The following NT5C3A variants were observed in gnomAD, a reference collection of about 807,000 sequenced individuals.
NT5C3A encodes the protein 5'-nucleotidase, cytosolic IIIA, also known as cytosolic 5'-nucleotidase 3A.
In NT5C3A, 23 loss-of-function variants were observed where a neutral mutation model predicts 40.0. The observed-to-expected ratio is 0.58, with a 90% confidence interval of 0.41 to 0.81. NT5C3A has a LOEUF of 0.81. NT5C3A is among the 40% of genes least tolerant of loss of function. The pLI is 0.00. For missense variants in NT5C3A, 328 were observed against 403.0 expected, an observed-to-expected ratio of 0.81 and a Z score of 1.59; for synonymous variants, 130 against 141.4, an observed-to-expected ratio of 0.92 and a Z score of 0.57.
At chr7:33,015,549 G>A (rs1039777900) in intron 8 of NT5C3A, 121 bp downstream of exon 8, 3 of 663,058 alleles carry the variant, frequency 4.5e-6, no homozygotes, top group Non-Finnish European at 7.9e-6. Flanking sequence ...GGTAACAGAG[G>A]CTTGTCTCAA....
chr7:33,017,200 A>T, intron 7 of NT5C3A: 2 of 473,048 alleles, frequency 4.2e-6, no homozygotes, highest in East Asian at 3.4e-5. Flanking sequence ...AAAAAAAAAA[A>T]GAAGAAGTTT....
intron 1 of NT5C3A, among the ~76,000 whole-genome samples, chr7:33,053,811 GA>G (rs1271306575): frequency 2.0e-5 from 3 of 151,842 alleles, no homozygotes; most frequent in Admixed American, 6.5e-5. Context: ...AAAGGAAAGA[GA>G]AAAAAAATTG....
At chr7:33,018,694 CA>C (rs1335454324) in intron 6 of NT5C3A, among the ~76,000 whole-genome samples, 2 of 151,940 alleles carry the variant, frequency 1.3e-5, no homozygotes, top group African/African-American at 4.8e-5. Context: ...ACTAAAAATA[CA>C]AAAAATTAGC....
chr7:33,022,576 A>C (rs570505138), intron 3 of NT5C3A, among the ~76,000 whole-genome samples: 6 of 152,332 alleles, frequency 3.9e-5, no homozygotes, highest in Admixed American at 3.9e-4. Context: ...AGTAATGAAC[A>C]ATATTTTAGT....
chr7:33,026,353 G>GAA (rs1226260693), intron 2 of NT5C3A, among the ~76,000 whole-genome samples: 3,158 of 94,118 alleles, frequency 0.034, 156 homozygotes, highest in South Asian at 0.13. Context: ...CATCTCAAAA[G>GAA]AAAAAAAAAA....
chr7:33,041,112 AAAG>A (rs1786892471), intron 1 of NT5C3A: 1 of 985,086 alleles, frequency 1.0e-6, no homozygotes. Flanking sequence ...TGTGACGATT[AAAG>A]AGAAGGTAAA....
intron 1 of NT5C3A, among the ~76,000 whole-genome samples, chr7:33,035,190 T>G (rs957208184): frequency 2.4e-4 from 2 of 8,386 alleles, no homozygotes; most frequent in African/African-American, 3.3e-4. Context: ...AAGGAATGAG[T>G]TTTTTTTTTT....
chr7:33,047,762 T>A (rs1448449446), intron 1 of NT5C3A, among the ~76,000 whole-genome samples: 1 of 152,146 alleles, frequency 6.6e-6, no homozygotes, highest in East Asian at 1.9e-4. Context: ...TCATCTAGAT[T>A]CACTTTTATA....
chr7:33,024,001 C>T (rs756891745), intron 3 of NT5C3A, 38 bp downstream of exon 3: 2 of 1,165,606 alleles, frequency 1.7e-6, no homozygotes, highest in East Asian at 2.3e-5. Flanking sequence ...ATAATGATGA[C>T]ATGCTTTTGT....
At chr7:33,027,672 A>AGG (rs1786018198) in intron 1 of NT5C3A, among the ~76,000 whole-genome samples, 1 of 150,650 alleles carries the variant, frequency 6.6e-6, no homozygotes, top group Non-Finnish European at 1.5e-5. Flanking sequence ...CAATCCAGAG[A>AGG]GCCCAGAAAT....
chr7:33,023,712 C>A, intron 3 of NT5C3A: 4 of 231,228 alleles, frequency 1.7e-5, no homozygotes, highest in East Asian at 1.1e-4. Context: ...TCCTAGAAAA[C>A]AAAGTATTTG....
At chr7:33,023,211 G>A (rs10242882) in intron 3 of NT5C3A, among the ~76,000 whole-genome samples, 108,626 of 151,994 alleles carry the variant, frequency 0.71, 39,191 homozygotes, top group African/African-American at 0.78. Context: ...TGTGCCTGGC[G>A]ATTTTTAGCA....
At chr7:33,038,710 T>C (rs920591687) in intron 1 of NT5C3A, 2 of 368,694 alleles carry the variant, frequency 5.4e-6, no homozygotes, top group Admixed American at 7.4e-5. Context: ...AGGTGTAAAA[T>C]GTCAGCATTC....
chr7:33,036,281 G>A (rs1300079199), intron 1 of NT5C3A: 8 of 402,936 alleles, frequency 2.0e-5, no homozygotes, highest in African/African-American at 6.1e-5. Flanking sequence ...TATTGAGGCC[G>A]TGTTTCCAGA....
chr7:33,061,603 C>T (rs1276466949), intron 1 of NT5C3A, among the ~76,000 whole-genome samples: 4 of 152,238 alleles, frequency 2.6e-5, no homozygotes, highest in East Asian at 3.9e-4. Flanking sequence ...TCGTGTCTTT[C>T]GTCAGTTGGA....
At chr7:33,048,483 T>C (rs945780998) in intron 1 of NT5C3A, among the ~76,000 whole-genome samples, 1 of 152,166 alleles carries the variant, frequency 6.6e-6, no homozygotes, top group Non-Finnish European at 1.5e-5. Context: ...CATAAGTTAG[T>C]TTTCTGAAAT....
chr7:33,062,697 G>A lies in NT5C3A; in HGVS notation c.9C>T (p.Arg3=), dbSNP rs1159674993. 1 of 1,565,190 alleles carries A rather than the reference G, an allele frequency of 6.4e-7. No homozygotes were observed. Among genetic ancestry groups the A allele is most frequent in the Non-Finnish European group, 8.7e-7 (1 of 1,155,832 alleles). The stretch of plus-strand genomic sequence containing the variant: ...CCGCGCCCACCCTCGCCACGGCCGC[G>A]CGGTCCATGGACGGGGCCCTCATGC... MD[R]AAVARVGAVA... is the part of the protein sequence containing the mutation. Residue 3 remains arginine, a synonymous_variant, in exon 1 of 9, where the codon CGC becomes CGT. Transcript: ENST00000610140.
chr7:33,037,154 G>C (rs1786652716), intron 1 of NT5C3A, among the ~76,000 whole-genome samples: 2 of 152,192 alleles, frequency 1.3e-5, no homozygotes, highest in African/African-American at 2.4e-5. Context: ...GACATGAGCT[G>C]TATTTGAATC....
chr7:33,058,702 A>G (rs956668718), intron 1 of NT5C3A, among the ~76,000 whole-genome samples: 2 of 152,108 alleles, frequency 1.3e-5, no homozygotes, highest in Non-Finnish European at 2.9e-5. Context: ...TTCCCCTCAA[A>G]AGGCATCTGT....
Sources: gnomAD v4.1 joint callset for allele counts (sites outside exome capture counted in the v4.1 genomes callset) on GRCh38, gnomAD v4.1.1 for gene constraint, MANE v1.5 for transcripts, NCBI Gene and HGNC (gene_info 2026-07-23, HGNC 2026-07-21) for gene names.